Variants in ZNF804B observed in about 807,000 individuals in gnomAD.
ZNF804B encodes zinc finger 804B.
A neutral mutation model predicts 101.4 loss-of-function variants in ZNF804B; 80 were observed. The observed-to-expected ratio is 0.79, with a 90% CI of 0.66 to 0.95. The LOEUF is 0.95. Among genes scored for constraint, ZNF804B ranks in the 40% least tolerant of loss-of-function variants. The pLI is 0.00. For synonymous variants in ZNF804B, 622 were observed against 558.8 expected (o/e 1.11, Z -1.59); for missense variants, 1,673 against 1,561.9 (o/e 1.07, Z -1.20).
chr7:89,103,451 T>G (rs11761713), intron 1 of ZNF804B, among the ~76,000 whole-genome samples: 9,228 of 151,242 alleles, frequency 0.061, 398 homozygotes, highest in Middle Eastern at 0.14. Context: ...TTTCCTTGGT[T>G]AAATGTATTT....
intron 2 of ZNF804B, among the ~76,000 whole-genome samples, chr7:89,267,681 C>T (rs988224378): frequency 2.6e-5 from 4 of 152,102 alleles, no homozygotes; most frequent in Non-Finnish European, 5.9e-5. Context: ...CTGCTGAAAT[C>T]GGTAGCAAGG....
intron 1 of ZNF804B, among the ~76,000 whole-genome samples, chr7:89,088,183 A>G (rs1249704432): frequency 2.0e-5 from 3 of 152,022 alleles, no homozygotes; most frequent in African/African-American, 2.4e-5. Flanking sequence ...TTAAGTTTAT[A>G]GTTTCATGAT....
intron 1 of ZNF804B, among the ~76,000 whole-genome samples, chr7:89,078,543 A>G (rs1432829423): frequency 1.3e-5 from 2 of 151,904 alleles, no homozygotes; most frequent in Non-Finnish European, 2.9e-5. Context: ...TTTCCCTTCA[A>G]TATTACCTAA....
chr7:89,232,038 G>T (rs1346925199), intron 2 of ZNF804B, among the ~76,000 whole-genome samples: 1 of 152,060 alleles, frequency 6.6e-6, no homozygotes, highest in Non-Finnish European at 1.5e-5. Flanking sequence ...TGAGTATGAT[G>T]TTAGTTATAA....
chr7:89,316,903 G>A (rs1204976223), intron 2 of ZNF804B, among the ~76,000 whole-genome samples: 1 of 152,168 alleles, frequency 6.6e-6, no homozygotes, highest in Non-Finnish European at 1.5e-5. Context: ...GAAAAACAAG[G>A]AAAACCCTCC....
In ZNF804B at chr7:89,333,941, T is replaced by G. The variant is rs765438532; in HGVS notation, c.959T>G (p.Ile320Ser). 2 of 1,613,604 alleles carry G rather than the reference T, an allele frequency of 1.2e-6. No homozygotes were observed. The highest frequency in any genetic ancestry group is 2.2e-5 in the South Asian group (2 of 91,068). Residue 320 changes from isoleucine to serine, a missense_variant, in exon 4 of 4, where the codon ATT (isoleucine) becomes AGT (serine). By Grantham distance (142) the Ile-to-Ser change is moderately radical (BLOSUM62 -2). Coordinates refer to ENST00000333190, the MANE Select transcript of ZNF804B (RefSeq NM_181646.5). Reference protein sequence around the residue: ...IDETLEDSIGIHASFSKSNIH... With the variant: ...IDETLEDSIGSHASFSKSNIH... ...GAGACACTAGAAGATTCAATTGGCA[T>G]TCATGCTTCATTCTCTAAATCTAAC... is the stretch of plus-strand genomic sequence containing the variant.
At chr7:88,888,569 G>C (rs1489357627) in intron 1 of ZNF804B, among the ~76,000 whole-genome samples, 1 of 151,676 alleles carries the variant, frequency 6.6e-6, no homozygotes, top group African/African-American at 2.4e-5. Flanking sequence ...TAACACACCT[G>C]AAACATTTTA....
At chr7:89,215,883 CT>C (rs1449175238) in intron 1 of ZNF804B, among the ~76,000 whole-genome samples, 27,383 of 142,912 alleles carry the variant, frequency 0.19, 3,032 homozygotes, top group Middle Eastern at 0.35. Context: ...GACTCCGTCT[CT>C]AAATAAATAA....
intron 1 of ZNF804B, among the ~76,000 whole-genome samples, chr7:88,824,020 TC>T (rs1371253441): frequency 6.6e-6 from 1 of 152,154 alleles, no homozygotes; most frequent in Non-Finnish European, 1.5e-5. Flanking sequence ...TGCTACTCTA[TC>T]CCTGACTTCA....
chr7:88,812,591 A>G (rs1790806697), intron 1 of ZNF804B, among the ~76,000 whole-genome samples: 1 of 152,222 alleles, frequency 6.6e-6, no homozygotes. Flanking sequence ...TATTCACAAT[A>G]GCTAAGAAGT....
chr7:89,330,420 A>G (rs1790961837), intron 3 of ZNF804B, among the ~76,000 whole-genome samples: 1 of 151,698 alleles, frequency 6.6e-6, no homozygotes, highest in South Asian at 2.1e-4. Flanking sequence ...TAGATGCACA[A>G]ATTAATTTGT....
intron 2 of ZNF804B, among the ~76,000 whole-genome samples, chr7:89,293,973 C>G (rs185779658): frequency 2.0e-5 from 3 of 152,230 alleles, no homozygotes; most frequent in Non-Finnish European, 4.4e-5. Context: ...TACCAACATT[C>G]TTTTAGCTGA....
chr7:88,785,311 C>G (rs1324725982), intron 1 of ZNF804B, among the ~76,000 whole-genome samples: 1 of 151,894 alleles, frequency 6.6e-6, no homozygotes, highest in East Asian at 1.9e-4. Context: ...AGACAAATAC[C>G]AAGGTATTGG....
intron 1 of ZNF804B, among the ~76,000 whole-genome samples, chr7:89,002,682 G>A (rs1211820578): frequency 6.6e-6 from 1 of 151,614 alleles, no homozygotes; most frequent in Non-Finnish European, 1.5e-5. Context: ...CCCTTATATG[G>A]TATTTAAGGA....
chr7:88,854,418 T>TCTTTCTTTCTTCCTTTCTTC lies in ZNF804B; in HGVS notation c.108+94345_108+94346insCCTTTCTTCCTTTCTTTCTT, dbSNP rs1554340159. Among the ~76,000 whole-genome samples, 5 of 85,242 alleles carry TCTTTCTTTCTTCCTTTCTTC rather than the reference T, an allele frequency of 5.9e-5. No homozygotes were observed. In the East Asian group the frequency reaches 1.6e-3, roughly 27 times the overall value. The allele number at this position is 85,242 out of a possible 152,430, so 55.9% of individuals were successfully genotyped here. A position where few individuals can be genotyped will look rare whatever the true frequency, so the allele number is the denominator to read the frequency against. On this transcript the variant is annotated intron_variant, in intron 1 of 3. Coordinates refer to ENST00000333190, the MANE Select transcript of ZNF804B (RefSeq NM_181646.5). ...TTCTTTCTTTCTTTCTTTCTTCCTTTCTTTCTTTCTTTCTTTCTTTCTTTC... is the reference window on the plus strand; with the variant it reads ...TTCTTTCTTTCTTTCTTTCTTCCTTTCTTTCTTTCTTCCTTTCTTCCTTTCTTTCTTTCTTTCTTTCTTTC...
intron 1 of ZNF804B, among the ~76,000 whole-genome samples, chr7:88,932,766 C>T (rs1347260233): frequency 6.6e-6 from 1 of 151,316 alleles, no homozygotes; most frequent in African/African-American, 2.4e-5. Context: ...ATAAAAAATG[C>T]CCACAAAAAG....
At chr7:89,328,738 A>C (rs1790932288) in intron 3 of ZNF804B, among the ~76,000 whole-genome samples, 1 of 151,934 alleles carries the variant, frequency 6.6e-6, no homozygotes. Flanking sequence ...AGATCATAAC[A>C]AATGGTACAA....
Position 89,334,063 on chromosome 7 carries a change from T to C in ZNF804B, c.1081T>C (p.Cys361Arg), listed in dbSNP as rs762993773. ...NTLENCVNHPCQANASFSPPN... is the reference protein window; with the variant it reads ...NTLENCVNHPRQANASFSPPN... ...TTTAGAAAATTGTGTTAATCACCCA[T>C]GCCAAGCAAATGCTTCCTTCAGCCC... Residue 361 changes from cysteine (C) to arginine (R), a missense_variant, in exon 4 of 4, where the codon TGC becomes CGC. Coordinates refer to ENST00000333190, the MANE Select transcript of ZNF804B (RefSeq NM_181646.5). 1.9e-6 allele frequency: 3 copies of C among 1,613,646 alleles called. No homozygotes were observed. Among genetic ancestry groups the C allele is most frequent in the East Asian group, 4.5e-5 (2 of 44,862 alleles).
At chr7:89,017,488 T>G (rs553532585) in intron 1 of ZNF804B, among the ~76,000 whole-genome samples, 2 of 152,272 alleles carry the variant, frequency 1.3e-5, no homozygotes, top group South Asian at 4.1e-4. Context: ...CAGAATTGCT[T>G]TGGCTATTTG....
Sources: gnomAD v4.1 joint callset for allele counts (sites outside exome capture counted in the v4.1 genomes callset) on GRCh38, gnomAD v4.1.1 for gene constraint, MANE v1.5 for transcripts, NCBI Gene and HGNC (gene_info 2026-07-23, HGNC 2026-07-21) for gene names.